The following KCNG3 variants were observed in gnomAD, a reference collection of about 807,000 sequenced individuals.
KCNG3 encodes potassium voltage-gated channel modifier subfamily G member 3.
KCNG3 carries 15 observed loss-of-function variants against 29.0 expected under a neutral mutation model. The ratio of observed to expected loss-of-function variants is 0.52; its 90% CI spans 0.35 to 0.80. The LOEUF (loss-of-function observed/expected upper bound fraction) is 0.80. Ranked by LOEUF, KCNG3 falls within the 30% of genes least tolerant of loss-of-function variation. The pLI, the probability that KCNG3 is intolerant of heterozygous loss-of-function variation, is 0.01. For missense variants in KCNG3, 512 were observed against 605.7 expected (o/e 0.85, Z 1.62); for synonymous variants, 322 against 248.9 (o/e 1.29, Z -2.76).
At chr2:42,466,158 C>CA (rs1463510434) in intron 1 of KCNG3, among the ~76,000 whole-genome samples, 1 of 152,216 alleles carries the variant, frequency 6.6e-6, no homozygotes, top group Non-Finnish European at 1.5e-5. Context: ...GTAATCCCAA[C>CA]ACCTTGAGAG....
chr2:42,462,009 A>T (rs1673031892), intron 1 of KCNG3, among the ~76,000 whole-genome samples: 2 of 152,190 alleles, frequency 1.3e-5, no homozygotes, highest in African/African-American at 2.4e-5. Context: ...GTTTTATTTT[A>T]AGTGATGTTA....
chr2:42,475,965 C>G (rs890974070), intron 1 of KCNG3, among the ~76,000 whole-genome samples: 12 of 152,108 alleles, frequency 7.9e-5, no homozygotes, highest in Non-Finnish European at 1.8e-4. Flanking sequence ...ACTCGGGAGG[C>G]TGAGGCAGGA....
At chr2:42,405,656 G>A in the KCNG3 span, among the ~76,000 whole-genome samples, 1 of 151,812 alleles carries the variant, frequency 6.6e-6, no homozygotes, top group East Asian at 1.9e-4. Context: ...CGCCCAGGCT[G>A]GAGTGCAGTG....
chr2:42,421,846 C>A, the KCNG3 span, among the ~76,000 whole-genome samples: 10 of 152,210 alleles, frequency 6.6e-5, no homozygotes, highest in Non-Finnish European at 1.3e-4. Flanking sequence ...TGGACAAATG[C>A]TTTAACAAGT....
chr2:42,398,483 G>A, the KCNG3 span, among the ~76,000 whole-genome samples: 1 of 152,064 alleles, frequency 6.6e-6, no homozygotes, highest in African/African-American at 2.4e-5. Context: ...TGAGACATAC[G>A]CATTATGGAA....
chr2:42,400,209 G>C, the KCNG3 span, among the ~76,000 whole-genome samples: 2 of 152,130 alleles, frequency 1.3e-5, no homozygotes. Context: ...CCAGTAGAAA[G>C]AAGCTAGAGA....
chr2:42,455,860 T>C (rs924499653), intron 1 of KCNG3, among the ~76,000 whole-genome samples: 3 of 151,074 alleles, frequency 2.0e-5, no homozygotes, highest in African/African-American at 7.3e-5. Context: ...AAAAGCTAAA[T>C]GAATTACACA....
intron 1 of KCNG3, among the ~76,000 whole-genome samples, chr2:42,445,275 G>C (rs545002290): frequency 5.2e-4 from 79 of 152,166 alleles, no homozygotes; most frequent in African/African-American, 1.8e-3. Flanking sequence ...GCTGTGATAC[G>C]AGTTCTGAGG....
the KCNG3 span, among the ~76,000 whole-genome samples, chr2:42,409,558 G>A: frequency 6.6e-6 from 1 of 151,526 alleles, no homozygotes; most frequent in Non-Finnish European, 1.5e-5. Flanking sequence ...ACAAAAATTA[G>A]CCAGGCATGG....
intron 1 of KCNG3, among the ~76,000 whole-genome samples, chr2:42,482,935 A>C (rs1572864430): frequency 6.6e-6 from 1 of 152,088 alleles, no homozygotes; most frequent in Non-Finnish European, 1.5e-5. Context: ...AGCCCGGACA[A>C]TATAGCAAGA....
the KCNG3 span, among the ~76,000 whole-genome samples, chr2:42,406,391 G>A: frequency 1.3e-5 from 2 of 150,654 alleles, no homozygotes; most frequent in Non-Finnish European, 3.0e-5. Flanking sequence ...GGCTAATTTC[G>A]TATTTTTAGT....
the KCNG3 span, among the ~76,000 whole-genome samples, chr2:42,431,536 T>C: frequency 6.6e-6 from 1 of 152,136 alleles, no homozygotes; most frequent in East Asian, 1.9e-4. Flanking sequence ...AAAAACAACA[T>C]TAGAAATATT....
chr2:42,464,281 G>C (rs552707150), intron 1 of KCNG3, among the ~76,000 whole-genome samples: 1 of 152,250 alleles, frequency 6.6e-6, no homozygotes, highest in Admixed American at 6.5e-5. Flanking sequence ...TGCCCAGGTT[G>C]GTCTAGAACT....
chr2:42,417,249 T>TA, the KCNG3 span, among the ~76,000 whole-genome samples: 7 of 152,032 alleles, frequency 4.6e-5, no homozygotes, highest in African/African-American at 1.4e-4. Flanking sequence ...TCTCAAAAAA[T>TA]AAAAAAATAA....
chr2:42,389,746 T>A, the KCNG3 span, among the ~76,000 whole-genome samples: 1 of 152,316 alleles, frequency 6.6e-6, no homozygotes, highest in East Asian at 1.9e-4. Flanking sequence ...TTACTCACAT[T>A]TCACCAGTTT....
chr2:42,431,107 CAAA>C, the KCNG3 span, among the ~76,000 whole-genome samples: 1 of 113,458 alleles, frequency 8.8e-6, no homozygotes, highest in Non-Finnish European at 1.8e-5. Context: ...ACCCTGTCTC[CAAA>C]AAAAAAAAAA....
chr2:42,394,533 G>T, the KCNG3 span, among the ~76,000 whole-genome samples: 1 of 152,182 alleles, frequency 6.6e-6, no homozygotes, highest in Admixed American at 6.5e-5. Flanking sequence ...AAATCTTGGG[G>T]TCCCCAAATC....
At chr2:42,465,415 C>T (rs1466649487) in intron 1 of KCNG3, among the ~76,000 whole-genome samples, 5 of 151,732 alleles carry the variant, frequency 3.3e-5, no homozygotes, top group African/African-American at 7.3e-5. Flanking sequence ...CGGGATTTCA[C>T]CATGTTGCCC....
chr2:42,432,591 T>C, the KCNG3 span, among the ~76,000 whole-genome samples: 1 of 152,020 alleles, frequency 6.6e-6, no homozygotes, highest in Non-Finnish European at 1.5e-5. Flanking sequence ...TGAGGTCAGG[T>C]AAAAAAGAGG....
Sources: gnomAD v4.1 joint callset for allele counts (sites outside exome capture counted in the v4.1 genomes callset) on GRCh38, gnomAD v4.1.1 for gene constraint, MANE v1.5 for transcripts, NCBI Gene and HGNC (gene_info 2026-07-23, HGNC 2026-07-21) for gene names.